TNS1: variants seen among roughly 807,000 people sequenced by gnomAD.
TNS1 encodes the protein tensin-1.
In TNS1, 62 loss-of-function variants were observed where a neutral mutation model predicts 168.6. The observed-to-expected ratio is 0.37, with a 90% CI of 0.30 to 0.45. The LOEUF (loss-of-function observed/expected upper bound fraction) is 0.45, where lower values mean the gene tolerates loss of function less well. Ranked by LOEUF, TNS1 falls within the 20% of genes least tolerant of loss-of-function variation. The pLI is 1.00. For missense variants in TNS1, 2,240 were observed against 2,339.4 expected, an observed-to-expected ratio of 0.96 and a Z score of 0.88; for synonymous variants, 934 against 933.2, an observed-to-expected ratio of 1.00 and a Z score of -0.02.
rs1161128827 is a variant in TNS1, at chr2:217,906,521, A to T, written c.271-136T>A. The T allele has an allele frequency of 4.7e-6, 3 of 644,082 alleles. No homozygotes were observed. In the Admixed American group the frequency reaches 6.9e-5, roughly 15 times the overall value. The allele number at this position is 644,082 out of a possible 1,614,324, so 39.9% of individuals were successfully genotyped here. On this transcript the variant is annotated intron_variant, in intron 5 of 32. Transcript: ENST00000682258. ...GAAAGAACTTTGGTCTTTGTTTCAC[A>T]TTTCTTTGCCCATATCAAGGCCCCC...
intron 3 of TNS1, among the ~76,000 whole-genome samples, chr2:217,975,827 G>T (rs898467449): frequency 2.0e-5 from 3 of 152,048 alleles, no homozygotes; most frequent in African/African-American, 7.2e-5. Context: ...TAGCACCATG[G>T]ACTAAGCCAC....
rs562696593 is a variant in TNS1 at position 217,893,634 on chromosome 2, C to G, written c.595-73G>C. The G allele has an allele frequency of 7.2e-6, 11 of 1,525,778 alleles. No individual in the cohort carries two copies. In the East Asian group the frequency reaches 2.5e-4, roughly 35 times the overall value. The allele number at this position is 1,525,778 out of a possible 1,614,324, so 94.5% of individuals were successfully genotyped here. On this transcript the variant is annotated intron_variant, in intron 9 of 32. Coordinates refer to ENST00000682258, the MANE Select transcript of TNS1 (RefSeq NM_001387777.1). ...CAAACAAGCCAGCGGGAGCCACCTA[C>G]GCCACGTGCCAGTACCTGGGCAGTG... is the stretch of plus-strand genomic sequence containing the variant.
rs1945139589 is a variant in TNS1, at chr2:217,836,145, T to C, written c.3074A>G (p.Asp1025Gly). The change falls in exon 20 of 33, where the codon GAT (aspartate) becomes GGT (glycine). Residue 1025 changes from aspartate to glycine, a missense_variant. Around this residue, in one of 2 missense-constraint regions of TNS1, gnomAD observed 2,131 missense variants for 2,171.2 expected, o/e 0.98. Coordinates refer to ENST00000682258, the MANE Select transcript of TNS1 (RefSeq NM_001387777.1). ...PAPLRRRAAS[D>G]GQYENQSPEA... Reference sequence around the variant, plus strand: ...TGGAGACTGGTTCTCATACTGTCCATCACTGGCCGCCCGCCTCCGCAGAGG... The same window carrying C: ...TGGAGACTGGTTCTCATACTGTCCACCACTGGCCGCCCGCCTCCGCAGAGG... The C allele has an allele frequency of 6.2e-7, 1 of 1,613,804 alleles. No individual in the cohort carries two copies. Among genetic ancestry groups the C allele is most frequent in the Non-Finnish European group, 8.5e-7 (1 of 1,179,948 alleles).
At chr2:217,962,170 GA>G (rs1957512553) in intron 3 of TNS1, among the ~76,000 whole-genome samples, 1 of 152,220 alleles carries the variant, frequency 6.6e-6, no homozygotes, top group Non-Finnish European at 1.5e-5. Context: ...CAGGCTGGGT[GA>G]GGTGACTCAC....
intron 18 of TNS1, chr2:217,879,510 C>A (rs1489857137): frequency 4.8e-6 from 2 of 416,254 alleles, no homozygotes; most frequent in Admixed American, 3.0e-5. Flanking sequence ...GGGTGCTGGG[C>A]CCCTGGGGGA....
Position 217,885,108 on chromosome 2 carries a change from C to T in TNS1, c.1173G>A (p.Val391=), listed in dbSNP as rs764021562. 1.5e-5 allele frequency: 24 copies of T among 1,614,120 alleles called. No individual in the cohort carries two copies. Among genetic ancestry groups the T allele is most frequent in the Non-Finnish European group, 1.9e-5 (23 of 1,180,044 alleles). ...CATGGATGGCACAGGTGTGGAACTG[C>T]ACACGGAAGATGACGTCTCGGGCTG... is the stretch of plus-strand genomic sequence containing the variant. ...RSPARDVIFR[V]QFHTCAIHDL... The change falls in exon 16 of 33, where the codon GTG becomes GTA. Residue 391 remains valine, a synonymous_variant. Transcript: ENST00000682258.
intron 3 of TNS1, among the ~76,000 whole-genome samples, chr2:217,962,035 C>T (rs1041166083): frequency 1.3e-5 from 2 of 152,234 alleles, no homozygotes; most frequent in Admixed American, 1.3e-4. Context: ...CTGGCCTACA[C>T]ACTTCACACT....
intron 1 of TNS1, among the ~76,000 whole-genome samples, chr2:217,991,784 C>G (rs1339194926): frequency 6.6e-6 from 1 of 152,198 alleles, no homozygotes; most frequent in Non-Finnish European, 1.5e-5. Context: ...TCCACCCTCT[C>G]CACCATCCCC....
At chr2:217,889,882 C>T (rs1336320306) in intron 12 of TNS1, among the ~76,000 whole-genome samples, 4 of 152,212 alleles carry the variant, frequency 2.6e-5, no homozygotes, top group African/African-American at 7.2e-5. Flanking sequence ...GGTTTCCCAC[C>T]ATCCTGGCTG....
At chr2:217,888,177 A>G (rs144056971) in intron 12 of TNS1, among the ~76,000 whole-genome samples, 7 of 152,334 alleles carry the variant, frequency 4.6e-5, no homozygotes, top group African/African-American at 1.7e-4. Flanking sequence ...GGTTCCTATC[A>G]GATCTCTGGA....
intron 3 of TNS1, among the ~76,000 whole-genome samples, chr2:217,943,087 G>A (rs969201793): frequency 6.6e-6 from 1 of 152,142 alleles, no homozygotes; most frequent in African/African-American, 2.4e-5. Context: ...TGGGGGGAGA[G>A]GGAGGAGCAG....
chr2:217,879,618 T>C (rs1950509929), intron 18 of TNS1: 3 of 279,674 alleles, frequency 1.1e-5, no homozygotes, highest in Non-Finnish European at 2.2e-5. Flanking sequence ...CCCCAAATTC[T>C]AGTCCAACCA....
chr2:218,008,989 A>T (rs1958682989), intron 1 of TNS1, among the ~76,000 whole-genome samples: 2 of 152,238 alleles, frequency 1.3e-5, no homozygotes, highest in Admixed American at 6.5e-5. Context: ...AACGATGTAG[A>T]TATTTTCATT....
intron 3 of TNS1, among the ~76,000 whole-genome samples, chr2:217,928,678 C>T (rs922795824): frequency 6.6e-6 from 1 of 152,158 alleles, no homozygotes; most frequent in Non-Finnish European, 1.5e-5. Flanking sequence ...CACCAAGGCC[C>T]CAGGCCCCAC....
intron 4 of TNS1, among the ~76,000 whole-genome samples, chr2:217,911,153 G>C (rs1318732457): frequency 1.3e-5 from 2 of 152,206 alleles, no homozygotes; most frequent in Non-Finnish European, 2.9e-5. Flanking sequence ...AAGGTCCCCA[G>C]GCTTTCCAAA....
chr2:217,856,354 C>T (rs1274464138), intron 18 of TNS1, among the ~76,000 whole-genome samples: 2 of 152,328 alleles, frequency 1.3e-5, no homozygotes, highest in African/African-American at 2.4e-5. Context: ...CCTCCTGAAA[C>T]ATCCTGGCAT....
At chr2:218,031,185 AAT>A (rs938900523) in intron 1 of TNS1, among the ~76,000 whole-genome samples, 1 of 116,850 alleles carries the variant, frequency 8.6e-6, no homozygotes, top group African/African-American at 3.6e-5. Flanking sequence ...TGTGAGTGTG[AAT>A]GTGTCTGTAT....
rs370904189 is a variant in TNS1, at chr2:217,847,826, C to T, written c.2691G>A (p.Ser897=). The T allele has an allele frequency of 1.6e-5, 25 of 1,595,446 alleles. No individual in the cohort carries two copies. Among genetic ancestry groups the T allele is most frequent in the African/African-American group, 9.4e-5 (7 of 74,688 alleles). ...SRSGYIPSGH[S]LGTPEPAPRA... The stretch of plus-strand genomic sequence containing the variant: ...GTGGGGCTGGCTCAGGGGTTCCCAA[C>T]GAATGCCCACTGGGGATATAGCCAG... Residue 897 remains serine (S), a synonymous_variant, in exon 19 of 33, where the codon TCG becomes TCA. Transcript: ENST00000682258.
At position 217,918,676 on chromosome 2, in the gene TNS1, C is replaced by T. The variant is rs113921243; in HGVS notation, c.228+1519G>A. Among the ~76,000 whole-genome samples the T allele has an allele frequency of 9.7e-3, 1,471 of 152,340 alleles. 9 individuals carry two copies. The highest frequency in any genetic ancestry group is 0.015 in the Non-Finnish European group (1,037 of 68,028). ...ACCCTGAACCCCCAGCCTCATAAAGCAGCCAAGGACATTCTGTTCTTAGCC... is the reference window on the plus strand; with the variant it reads ...ACCCTGAACCCCCAGCCTCATAAAGTAGCCAAGGACATTCTGTTCTTAGCC... On this transcript the variant is annotated intron_variant, in intron 4 of 32. Coordinates refer to ENST00000682258, the MANE Select transcript of TNS1 (RefSeq NM_001387777.1).
Sources: allele counts gnomAD v4.1 joint callset (sites outside exome capture counted in the v4.1 genomes callset), GRCh38; gene constraint gnomAD v4.1.1; regional missense constraint gnomAD v4.1.1; transcripts MANE v1.5; gene names NCBI Gene and HGNC (gene_info 2026-07-23, HGNC 2026-07-21).